OR6N2: variants seen among roughly 807,000 people sequenced by gnomAD.
OR6N2 encodes the protein olfactory receptor family 6 subfamily N member 2.
For missense variants in OR6N2, 399 were observed against 379.7 expected (o/e 1.05, Z -0.42); for synonymous variants, 160 against 138.3 (o/e 1.16, Z -1.10).
intron 1 of OR6N2, among the ~76,000 whole-genome samples, chr1:158,779,056 T>C (rs1256655546): frequency 7.3e-6 from 1 of 136,912 alleles, no homozygotes; most frequent in Admixed American, 7.3e-5. Context: ...AAAACAAACA[T>C]GATAGAGTGG....
At chr1:158,778,732 C>A (rs1657670823) in intron 1 of OR6N2, among the ~76,000 whole-genome samples, 1 of 151,950 alleles carries the variant, frequency 6.6e-6, no homozygotes, top group African/African-American at 2.4e-5. Context: ...AATGCAGATT[C>A]GGCCGGGCAT....
rs1657638709 is a variant in OR6N2, at chr1:158,777,511, T to G, written c.125A>C (p.Asn42Thr). The part of the protein sequence containing the change: ...LLAYLFTICG[N>T]MLIFSVIRLD... Reference sequence around the variant, plus strand: ...TCGGATGACTGAGAAGATGAGCATGTTACCACAGATGGTGAACAGGTATGC... The same window carrying G: ...TCGGATGACTGAGAAGATGAGCATGGTACCACAGATGGTGAACAGGTATGC... The change falls in exon 2 of 2, where the codon AAC becomes ACC. Residue 42 changes from asparagine to threonine, a missense_variant. Transcript: ENST00000641131. The G allele has an allele frequency of 6.2e-7, 1 of 1,614,154 alleles. No homozygotes were observed. Among genetic ancestry groups the G allele is most frequent in the Non-Finnish European group, 8.5e-7 (1 of 1,180,002 alleles).
chr1:158,778,744 G>C (rs2102016234), intron 1 of OR6N2, among the ~76,000 whole-genome samples: 1 of 152,222 alleles, frequency 6.6e-6, no homozygotes, highest in Non-Finnish European at 1.5e-5. Context: ...GCCGGGCATG[G>C]TGACTCACGC....
Position 158,776,626 on chromosome 1 carries a change from A to C in OR6N2, c.*56T>G, listed in dbSNP as rs867694712. 2 of 983,134 alleles carry C rather than the reference A, an allele frequency of 2.0e-6. No individual in the cohort carries two copies. Among genetic ancestry groups the C allele is most frequent in the Middle Eastern group, 4.4e-4 (2 of 4,510 alleles). The allele number at this position is 983,134 out of a possible 1,614,324, so 60.9% of individuals were successfully genotyped here. A position where few individuals can be genotyped will look rare whatever the true frequency, so the allele number is the denominator to read the frequency against. On this transcript the variant is annotated 3_prime_UTR_variant, in exon 2 of 2. Transcript: ENST00000641131. ...GAGCATGTGTGATGATGGGAAGATT[A>C]CTCAAGGAACTTTTATGAATTGAAC...
In OR6N2 at chr1:158,777,408, G is replaced by A. The variant is rs764765917; in HGVS notation, c.228C>T (p.Thr76=). ...TATTAGACAACATCTTAGGGATAGT[G>A]GTAGCTGTATACCACAACTCCAAGA... ...LSFLELWYTA[T]TIPKMLSNIL... Residue 76 remains threonine, a synonymous_variant, in exon 2 of 2, where the codon ACC becomes ACT. Coordinates refer to ENST00000641131, the MANE Select transcript of OR6N2 (RefSeq NM_001005278.2). The A allele has an allele frequency of 6.2e-7, 1 of 1,613,996 alleles. No individual in the cohort carries two copies. Among genetic ancestry groups the A allele is most frequent in the Admixed American group, 1.7e-5 (1 of 60,004 alleles).
chr1:158,779,859 A>T (rs1657706069), intron 1 of OR6N2, among the ~76,000 whole-genome samples: 1 of 152,202 alleles, frequency 6.6e-6, no homozygotes, highest in African/African-American at 2.4e-5. Flanking sequence ...TAATATTTAC[A>T]TTTAGCATAT....
Position 158,776,171 on chromosome 1 carries a change from G to C in OR6N2, c.*511C>G, listed in dbSNP as rs897154020. 1.3e-5 allele frequency: 2 copies of C among 152,228 alleles called. No homozygotes were observed. Among genetic ancestry groups the C allele is most frequent in the African/African-American group, 2.4e-5 (1 of 41,432 alleles). The allele number at this position is 152,228 out of a possible 1,614,324, so 9.4% of individuals were successfully genotyped here. A position where few individuals can be genotyped will look rare whatever the true frequency, so the allele number is the denominator to read the frequency against. ...GTTAGGGAGAGTTAAGGAGTAAAAA[G>C]TTAGGAGAATTGAGGCATAAAAACT... On this transcript the variant is annotated 3_prime_UTR_variant, in exon 2 of 2. Transcript: ENST00000641131.
chr1:158,778,727 A>G (rs1341870097), intron 1 of OR6N2, among the ~76,000 whole-genome samples: 2 of 152,192 alleles, frequency 1.3e-5, no homozygotes, highest in African/African-American at 2.4e-5. Flanking sequence ...GTAAGAATGC[A>G]GATTCGGCCG....
Position 158,780,413 on chromosome 1 carries a change from G to A in OR6N2, c.-7+757C>T, listed in dbSNP as rs140865459. On this transcript the variant is annotated intron_variant, in intron 1 of 1. Transcript: ENST00000641131. ...CTTCCACATAGAAAATCTGTGTAAGGCCTTCTCTGGGATAAGCATTTTCAA... is the reference window on the plus strand; with the variant it reads ...CTTCCACATAGAAAATCTGTGTAAGACCTTCTCTGGGATAAGCATTTTCAA... Among the ~76,000 whole-genome samples the A allele has an allele frequency of 4.6e-3, 698 of 152,228 alleles. 10 individuals carry two copies. Among genetic ancestry groups the A allele is most frequent in the African/African-American group, 0.016 (649 of 41,540 alleles).
Position 158,777,156 on chromosome 1 carries a change from G to A in OR6N2, c.480C>T (p.Val160=). ...TCGFLCPISE[V]ILASQLPFCA... is the part of the protein sequence containing the mutation. ...AAAATGGGAGCTGGGAGGCAAGGAT[G>A]ACCTCAGAAATGGGACACAGGAAGC... is the stretch of plus-strand genomic sequence containing the variant. Residue 160 remains valine (V), a synonymous_variant, in exon 2 of 2, where the codon GTC becomes GTT. Coordinates refer to ENST00000641131, the MANE Select transcript of OR6N2 (RefSeq NM_001005278.2). 1 of 1,614,092 alleles carries A rather than the reference G, an allele frequency of 6.2e-7. No individual in the cohort carries two copies. Among genetic ancestry groups the A allele is most frequent in the Non-Finnish European group, 8.5e-7 (1 of 1,180,000 alleles).
At position 158,777,363 on chromosome 1, in the gene OR6N2, G is replaced by T. The variant is rs1657629461; in HGVS notation, c.273C>A (p.Thr91=). ...MLSNILSEKK[T]ISFAGCLLQT... is the part of the protein sequence containing the mutation. The stretch of plus-strand genomic sequence containing the variant: ...GAAGGAGGCATCCTGCAAAAGAAAT[G>T]GTTTTCTTCTCACTGAGAATATTAG... Residue 91 remains threonine, a synonymous_variant, in exon 2 of 2, where the codon ACC becomes ACA. Transcript: ENST00000641131. 6.2e-7 allele frequency: 1 copy of T among 1,614,064 alleles called. No homozygotes were observed. The highest frequency in any genetic ancestry group is 8.5e-7 in the Non-Finnish European group (1 of 1,179,956).
intron 1 of OR6N2, among the ~76,000 whole-genome samples, chr1:158,779,554 G>T (rs1162644770): frequency 6.6e-6 from 1 of 152,152 alleles, no homozygotes; most frequent in African/African-American, 2.4e-5. Context: ...GAACTTCTGG[G>T]TTTGATATTT....
chr1:158,780,572 C>T (rs1657727827), intron 1 of OR6N2, among the ~76,000 whole-genome samples: 1 of 152,136 alleles, frequency 6.6e-6, no homozygotes, highest in African/African-American at 2.4e-5. Context: ...GTTAGCCTAG[C>T]CTCCCTTATA....
chr1:158,777,135 T>G lies in OR6N2; in HGVS notation c.501A>C (p.Pro167=), dbSNP rs761939296. The G allele has an allele frequency of 8.7e-6, 14 of 1,613,902 alleles. No homozygotes were observed. The Admixed American group carries it at 2.2e-4, about 25-fold the overall frequency. The part of the protein sequence containing the change: ...ISEVILASQL[P]FCAYNEIQHI... ...GTTGGATTTCATTGTAAGCACAAAA[T>G]GGGAGCTGGGAGGCAAGGATGACCT... Residue 167 remains proline (P), a synonymous_variant, in exon 2 of 2, where the codon CCA becomes CCC. Transcript: ENST00000641131.
rs1011322331 is a variant in OR6N2, at chr1:158,777,510, G to T, written c.126C>A (p.Asn42Lys). Reference protein sequence around the residue: ...LLAYLFTICGNMLIFSVIRLD... With the variant: ...LLAYLFTICGKMLIFSVIRLD... ...GTCGGATGACTGAGAAGATGAGCATGTTACCACAGATGGTGAACAGGTATG... is the reference window on the plus strand; with the variant it reads ...GTCGGATGACTGAGAAGATGAGCATTTTACCACAGATGGTGAACAGGTATG... Residue 42 changes from asparagine to lysine, a missense_variant, in exon 2 of 2, where the codon AAC (asparagine) becomes AAA (lysine). Coordinates refer to ENST00000641131, the MANE Select transcript of OR6N2 (RefSeq NM_001005278.2). The T allele has an allele frequency of 3.7e-6, 6 of 1,614,048 alleles. No individual in the cohort carries two copies. In the African/African-American group the frequency reaches 6.7e-5, roughly 18 times the overall value.
chr1:158,780,701 T>A (rs1294695875), intron 1 of OR6N2, among the ~76,000 whole-genome samples: 1 of 152,244 alleles, frequency 6.6e-6, no homozygotes, highest in African/African-American at 2.4e-5. Context: ...ATTGCTTTCA[T>A]ACTGTTGTAA....
rs189757254 is a variant in OR6N2, at chr1:158,775,257, C to G, written c.*1425G>C. 211 of 152,242 alleles carry G rather than the reference C, an allele frequency of 1.4e-3. 1 individual carries two copies. Among genetic ancestry groups the G allele is most frequent in the African/African-American group, 5.0e-3 (206 of 41,524 alleles). The allele number at this position is 152,242 out of a possible 1,614,324, so 9.4% of individuals were successfully genotyped here. A position where few individuals can be genotyped will look rare whatever the true frequency, so the allele number is the denominator to read the frequency against. Reference sequence around the variant, plus strand: ...AGAAGTCCTCTCAAAGCTAGCATCACTGGAAATTGATATTTGAACAGAAAA... The same window carrying G: ...AGAAGTCCTCTCAAAGCTAGCATCAGTGGAAATTGATATTTGAACAGAAAA... On this transcript the variant is annotated 3_prime_UTR_variant, in exon 2 of 2. Coordinates refer to ENST00000641131, the MANE Select transcript of OR6N2 (RefSeq NM_001005278.2).
chr1:158,780,551 A>G (rs1657726711), intron 1 of OR6N2, among the ~76,000 whole-genome samples: 1 of 152,212 alleles, frequency 6.6e-6, no homozygotes, highest in Non-Finnish European at 1.5e-5. Context: ...TAATATACCC[A>G]AACATCATAT....
At chr1:158,778,898 G>T (rs1177437280) in intron 1 of OR6N2, among the ~76,000 whole-genome samples, 1 of 151,570 alleles carries the variant, frequency 6.6e-6, no homozygotes. Flanking sequence ...GGCACCTGCA[G>T]TTCCCAGCTA....
Sources: gnomAD v4.1 joint callset for allele counts (sites outside exome capture counted in the v4.1 genomes callset) on GRCh38, gnomAD v4.1.1 for gene constraint, MANE v1.5 for transcripts, NCBI Gene and HGNC (gene_info 2026-07-23, HGNC 2026-07-21) for gene names.